Variants in GRID2IP observed in about 807,000 individuals in gnomAD.
GRID2IP encodes the protein Grid2 interacting protein, also known as delphilin.
GRID2IP carries 78 observed loss-of-function variants against 114.3 expected under a neutral mutation model. The ratio of observed to expected loss-of-function variants is 0.68; its 90% CI spans 0.57 to 0.82. GRID2IP has a LOEUF of 0.82. Among genes scored for constraint, GRID2IP ranks in the 40% least tolerant of loss-of-function variants. The probability of loss-of-function intolerance (pLI) is 0.00; values close to 1 mark genes in which losing one functional copy is unlikely to be tolerated. For synonymous variants in GRID2IP, 809 were observed against 724.0 expected, an observed-to-expected ratio of 1.12 and a Z score of -1.89; for missense variants, 1,727 against 1,678.5, an observed-to-expected ratio of 1.03 and a Z score of -0.51.
At chr7:6,544,784 C>G (rs1363846161) in intron 1 of GRID2IP, among the ~76,000 whole-genome samples, 1 of 151,392 alleles carries the variant, frequency 6.6e-6, no homozygotes, top group Non-Finnish European at 1.5e-5. Flanking sequence ...GACCCTGTCT[C>G]TAAAAAATGA....
chr7:6,511,833 T>C (rs1779172892), intron 8 of GRID2IP, among the ~76,000 whole-genome samples: 1 of 151,964 alleles, frequency 6.6e-6, no homozygotes, highest in African/African-American at 2.4e-5. Flanking sequence ...TTCCCTTTCC[T>C]TCCTTTCCTT....
rs1026046215 is a variant in GRID2IP, at chr7:6,507,455, C to T, written c.2544+530G>A. ...GGTCTGTGGATAAGATTGCTCTGCC[C>T]GATTTTAAGGGCCAGAAAGAAAACA... On this transcript the variant is annotated intron_variant, in intron 13 of 21. Coordinates refer to ENST00000457091, the MANE Select transcript of GRID2IP (RefSeq NM_001145118.2). The surrounding 1 kb of genome is among the most constrained non-coding windows in gnomAD (Gnocchi z 5.3). Among the ~76,000 whole-genome samples the T allele has an allele frequency of 2.0e-5, 3 of 151,834 alleles. No homozygotes were observed. Among genetic ancestry groups the T allele is most frequent in the Non-Finnish European group, 2.9e-5 (2 of 67,998 alleles).
In GRID2IP at chr7:6,509,010, G is replaced by A. The variant is rs1583336551; in HGVS notation, c.2075C>T (p.Pro692Leu). 6.5e-7 allele frequency: 1 copy of A among 1,548,078 alleles called. No homozygotes were observed. Among genetic ancestry groups the A allele is most frequent in the Non-Finnish European group, 8.7e-7 (1 of 1,146,664 alleles). ...GAAATCATCCACGATGGTGACCCGGGGGCCCAGCTGCTCGCTCAGCACGTC... is the reference window on the plus strand; with the variant it reads ...GAAATCATCCACGATGGTGACCCGGAGGCCCAGCTGCTCGCTCAGCACGTC... ...FLDVLSEQLG[P>L]RVTIVDDFLT... The change falls in exon 12 of 22, where the codon CCC (proline) becomes CTC (leucine). Residue 692 changes from proline to leucine, a missense_variant. By Grantham distance (98) the Pro-to-Leu change is moderately conservative. Transcript: ENST00000457091. The surrounding 1 kb of genome is among the most constrained non-coding windows in gnomAD (Gnocchi z 4.9).
At chr7:6,512,307 T>G (rs1262486387) in intron 8 of GRID2IP, among the ~76,000 whole-genome samples, 1 of 143,510 alleles carries the variant, frequency 7.0e-6, no homozygotes, top group Non-Finnish European at 1.5e-5. Flanking sequence ...AGTGCAGCCT[T>G]GAATCCCAGG....
chr7:6,544,153 C>T (rs1779851133), intron 1 of GRID2IP, among the ~76,000 whole-genome samples: 1 of 152,090 alleles, frequency 6.6e-6, no homozygotes, highest in Admixed American at 6.6e-5. Context: ...CTGTCTCTTT[C>T]CCTGCAGTAA....
chr7:6,529,238 G>A (rs1779571297), intron 2 of GRID2IP, among the ~76,000 whole-genome samples: 1 of 152,160 alleles, frequency 6.6e-6, no homozygotes, highest in Admixed American at 6.6e-5. Context: ...ATTACCTGAG[G>A]TCAGGAGTTC....
At position 6,503,347 on chromosome 7, in the gene GRID2IP, G is replaced by A. The variant is rs1786472359; in HGVS notation, c.2907+144C>T. The A allele has an allele frequency of 3.0e-6, 3 of 992,450 alleles. No homozygotes were observed. The South Asian group carries it at 5.2e-5, about 17-fold the overall frequency. 61.5% of individuals were successfully genotyped at this position (992,450 alleles called of 1,614,324 possible). A position where few individuals can be genotyped will look rare whatever the true frequency, so the allele number is the denominator to read the frequency against. ...TACCTTGGACCCCTGATAGGACCCG[G>A]CCATTAAAGGTGTTAAACTGGGACT... On this transcript the variant is annotated intron_variant, in intron 16 of 21. Transcript: ENST00000457091.
chr7:6,550,971 C>CCCCCG, intron 1 of GRID2IP, 37 bp downstream of exon 1: 3 of 1,168,588 alleles, frequency 2.6e-6, no homozygotes, highest in Non-Finnish European at 3.2e-6. Context: ...TATGAGCCCC[C>CCCCCG]TCCTTCCCGC....
chr7:6,503,231 T>TG, intron 16 of GRID2IP, 68 bp from the exon 17 acceptor site: 13 of 463,558 alleles, frequency 2.8e-5, no homozygotes, highest in Non-Finnish European at 4.3e-5. Context: ...CCGCAGGCTT[T>TG]GGGGTGGGAG....
intron 2 of GRID2IP, among the ~76,000 whole-genome samples, chr7:6,535,784 C>T (rs1437181608): frequency 6.6e-6 from 1 of 152,154 alleles, no homozygotes; most frequent in Non-Finnish European, 1.5e-5. Flanking sequence ...CCTCTACTCC[C>T]TGTTGGGTGG....
chr7:6,542,446 G>A (rs545985885), intron 1 of GRID2IP, among the ~76,000 whole-genome samples: 12 of 152,168 alleles, frequency 7.9e-5, no homozygotes, highest in African/African-American at 2.9e-4. Flanking sequence ...TTGAGACCAG[G>A]AATTCAAGAC....
chr7:6,526,534 CG>C lies in GRID2IP; in HGVS notation c.819del (p.Gly275AlafsTer55). Reference protein sequence around the residue: ...ASLLVGGLAGPGGARRTVRVY... With the variant: ...ASLLVGGLAGXGGARRTVRVY... ...AGCCCCGCGTACCTGCGCGCGCCCCCGGGGCCGGCGAGGCCGCCCACCAGCA... is the reference window on the plus strand; with the variant it reads ...AGCCCCGCGTACCTGCGCGCGCCCCCGGGCCGGCGAGGCCGCCCACCAGCA... On this transcript the variant is annotated frameshift_variant, in exon 3 of 22. Coordinates refer to ENST00000457091, the MANE Select transcript of GRID2IP (RefSeq NM_001145118.2). LOFTEE classifies it high-confidence loss of function. The surrounding 1 kb of genome is among the most constrained non-coding windows in gnomAD (Gnocchi z 7.6). 1 of 1,230,072 alleles carries C rather than the reference CG, an allele frequency of 8.1e-7. No homozygotes were observed. Among genetic ancestry groups the C allele is most frequent in the Non-Finnish European group, 1.0e-6 (1 of 986,642 alleles). The allele number at this position is 1,230,072 out of a possible 1,614,324, so 76.2% of individuals were successfully genotyped here. A position where few individuals can be genotyped will look rare whatever the true frequency, so the allele number is the denominator to read the frequency against.
chr7:6,527,585 CTCTG>C (rs1465257400), intron 2 of GRID2IP, among the ~76,000 whole-genome samples: 4 of 152,164 alleles, frequency 2.6e-5, no homozygotes, highest in African/African-American at 9.7e-5. Flanking sequence ...CTCTCTCTTT[CTCTG>C]TCTCTCTCGT....
chr7:6,497,749 C>A lies in GRID2IP; in HGVS notation c.*25G>T. ...TCGGCCTCCATCTCCCTGCTCAGGC[C>A]GCAGAGGACGCGGTGTGGCCACTGT... On this transcript the variant is annotated 3_prime_UTR_variant, in exon 22 of 22. Coordinates refer to ENST00000457091, the MANE Select transcript of GRID2IP (RefSeq NM_001145118.2). 2 of 1,534,380 alleles carry A rather than the reference C, an allele frequency of 1.3e-6. No homozygotes were observed. The highest frequency in any genetic ancestry group is 1.2e-5 in the South Asian group (1 of 83,370).
chr7:6,539,278 A>C (rs1229149280), intron 2 of GRID2IP, among the ~76,000 whole-genome samples: 4 of 151,894 alleles, frequency 2.6e-5, no homozygotes, highest in African/African-American at 7.3e-5. Context: ...ACAAGCATGC[A>C]CCACCACACC....
chr7:6,503,487 G>A lies in GRID2IP; in HGVS notation c.2907+4C>T. On this transcript the variant is annotated splice_donor_region_variant and intron_variant, in intron 16 of 21. Transcript: ENST00000457091. ...GCCTCGGGGCGGGGTTGTGGTCGCG[G>A]CACCTGCAGGACGAACTGGTCCGGC... The A allele has an allele frequency of 1.3e-6, 2 of 1,518,034 alleles. No individual in the cohort carries two copies. The highest frequency in any genetic ancestry group is 1.8e-6 in the Non-Finnish European group (2 of 1,140,126). 94.0% of individuals were successfully genotyped at this position (1,518,034 alleles called of 1,614,324 possible). A position where few individuals can be genotyped will look rare whatever the true frequency, so the allele number is the denominator to read the frequency against.
At chr7:6,548,923 G>A (rs1183464366) in intron 1 of GRID2IP, among the ~76,000 whole-genome samples, 1 of 152,056 alleles carries the variant, frequency 6.6e-6, no homozygotes, top group Non-Finnish European at 1.5e-5. Context: ...CATGTCCACA[G>A]GGGTCCGATA....
Position 6,520,584 on chromosome 7 carries a change from TGGAA to T in GRID2IP, c.1258_1261del (p.Phe420SerfsTer32). On this transcript the variant is annotated frameshift_variant, in exon 7 of 22. Transcript: ENST00000457091. LOFTEE classifies it high-confidence loss of function. This position sits in a 1 kb window ranked among gnomAD's most constrained non-coding sequence, Gnocchi z 4.6. ...GCGGCTTTGGCCCGGCCACCTGTGCTGGAAGAAGCTCTCGAGGGCCCGGCAGACC... is the reference window on the plus strand; with the variant it reads ...GCGGCTTTGGCCCGGCCACCTGTGCTGAAGCTCTCGAGGGCCCGGCAGACC... 1 of 1,550,844 alleles carries T rather than the reference TGGAA, an allele frequency of 6.4e-7. No homozygotes were observed.
chr7:6,505,941 G>A (rs1267029963), intron 13 of GRID2IP, 34 bp from the exon 14 acceptor site: 12 of 1,448,862 alleles, frequency 8.3e-6, no homozygotes, highest in South Asian at 7.3e-5. Flanking sequence ...AGAGTAGGAG[G>A]AGCAGCAGCA....
Sources: allele counts gnomAD v4.1 joint callset (sites outside exome capture counted in the v4.1 genomes callset), GRCh38; gene constraint gnomAD v4.1.1; non-coding constraint Gnocchi (gnomAD v3.1); transcripts MANE v1.5; gene names NCBI Gene and HGNC (gene_info 2026-07-23, HGNC 2026-07-21).